The following SHOX2 variants were observed in gnomAD, a reference collection of about 807,000 sequenced individuals.
SHOX2 encodes short stature homeobox protein 2.
A neutral mutation model predicts 31.3 loss-of-function variants in SHOX2; 13 were observed. That is an observed-to-expected ratio of 0.42 (90% CI 0.27 to 0.66). SHOX2 has a LOEUF of 0.66. Among genes scored for constraint, SHOX2 ranks in the 30% least tolerant of loss-of-function variants. The probability of loss-of-function intolerance (pLI) is 0.27; values close to 1 mark genes in which losing one functional copy is unlikely to be tolerated. For synonymous variants in SHOX2, 244 were observed against 196.2 expected, an observed-to-expected ratio of 1.24 and a Z score of -2.04; for missense variants, 473 against 443.0, an observed-to-expected ratio of 1.07 and a Z score of -0.61.
At chr3:158,105,593 C>T (rs1713846651) in intron 1 of SHOX2, 86 bp downstream of exon 1, 3 of 1,261,420 alleles carry the variant, frequency 2.4e-6, no homozygotes, top group Non-Finnish European at 3.2e-6. Context: ...CTCCCCTCCC[C>T]GCTGGGCCTC....
Position 158,097,884 on chromosome 3 carries a change from G to C in SHOX2, c.*143C>G. The C allele has an allele frequency of 9.2e-7, 1 of 1,086,428 alleles. No homozygotes were observed. The highest frequency in any genetic ancestry group is 1.3e-6 in the Non-Finnish European group (1 of 756,994). 67.3% of individuals were successfully genotyped at this position (1,086,428 alleles called of 1,614,324 possible). A position where few individuals can be genotyped will look rare whatever the true frequency, so the allele number is the denominator to read the frequency against. On this transcript the variant is annotated 3_prime_UTR_variant, in exon 5 of 5. Transcript: ENST00000483851. ...GTCTGGCTTTCCGAGTCCAAGATGC[G>C]ATAGGGGACGAGGGATGGTCAGTGA...
rs1297884068 is a variant in SHOX2 at position 158,096,497 on chromosome 3, G to GA, written c.*1529dup. The stretch of plus-strand genomic sequence containing the variant: ...CTTTGTGAGATAAAATGCAAATGTT[G>GA]AAAGTCAGTCCACACATTATAGTCA... On this transcript the variant is annotated 3_prime_UTR_variant, in exon 5 of 5. Coordinates refer to ENST00000483851, the MANE Select transcript of SHOX2 (RefSeq NM_001163678.2). 6.6e-6 allele frequency: 1 copy of GA among 151,278 alleles called. No individual in the cohort carries two copies. Among genetic ancestry groups the GA allele is most frequent in the Non-Finnish European group, 1.5e-5 (1 of 67,808 alleles). The allele number at this position is 151,278 out of a possible 1,614,324, so 9.4% of individuals were successfully genotyped here.
chr3:158,105,795 C>T lies in SHOX2; in HGVS notation c.230G>A (p.Gly77Asp). 2.0e-6 allele frequency: 3 copies of T among 1,479,412 alleles called. No individual in the cohort carries two copies. The highest frequency in any genetic ancestry group is 1.8e-6 in the Non-Finnish European group (2 of 1,119,182). 91.6% of individuals were successfully genotyped at this position (1,479,412 alleles called of 1,614,324 possible). The change falls in exon 1 of 5, where the codon GGT (glycine) becomes GAT (aspartate). Residue 77 changes from glycine (G) to aspartate (D), a missense_variant. Physicochemically the swap from Gly to Asp is moderately conservative, Grantham distance 94. Around this residue, in one of 3 missense-constraint regions of SHOX2, gnomAD observed 276 missense variants for 230.0 expected, o/e 1.20. Transcript: ENST00000483851. Reference sequence around the variant, plus strand: ...TCCGCCTGCTCCTCCTCCTCCTACACCTCCTCCGCCTCCTCCGCCGCCGCC... The same window carrying T: ...TCCGCCTGCTCCTCCTCCTCCTACATCTCCTCCGCCTCCTCCGCCGCCGCC... ...GGGGGGGGGG[G>D]VGGGGAGGGA...
chr3:158,103,019 C>T (rs966747276), intron 1 of SHOX2, 133 bp from the exon 2 acceptor site: 4 of 855,476 alleles, frequency 4.7e-6, no homozygotes, highest in South Asian at 4.6e-5. Context: ...GAGAATCCTT[C>T]CCCCTCGTGG....
At chr3:158,103,099 G>A (rs1713619838) in intron 1 of SHOX2, 3 of 604,480 alleles carry the variant, frequency 5.0e-6, no homozygotes, top group Non-Finnish European at 8.8e-6. Context: ...TCAAGTCTGA[G>A]CGGCCGCCTG....
chr3:158,100,094 TACTC>T, intron 3 of SHOX2, 146 bp from the exon 4 acceptor site: 1 of 908,942 alleles, frequency 1.1e-6, no homozygotes, highest in Non-Finnish European at 1.7e-6. Flanking sequence ...AAATGTAACT[TACTC>T]CCAAACTTTA....
In SHOX2 at chr3:158,098,299, G is replaced by C. The variant is rs748356943; in HGVS notation, c.703-15C>G. 1 of 1,611,820 alleles carries C rather than the reference G, an allele frequency of 6.2e-7. No homozygotes were observed. Among genetic ancestry groups the C allele is most frequent in the South Asian group, 1.1e-5 (1 of 90,762 alleles). The stretch of plus-strand genomic sequence containing the variant: ...TGCGCCTGAACCTGAAAGGACAAGG[G>C]CGTCACGTTGCAATGACTATCCTAG... On this transcript the variant is annotated splice_polypyrimidine_tract_variant and intron_variant, in intron 4 of 4. Transcript: ENST00000483851.
In SHOX2 at chr3:158,096,514, T is replaced by A. The variant is rs574442955; in HGVS notation, c.*1513A>T. 3.3e-5 allele frequency: 5 copies of A among 152,436 alleles called. No homozygotes were observed. The highest frequency in any genetic ancestry group is 1.2e-4 in the African/African-American group (5 of 41,446). 9.4% of individuals were successfully genotyped at this position (152,436 alleles called of 1,614,324 possible). On this transcript the variant is annotated 3_prime_UTR_variant, in exon 5 of 5. Coordinates refer to ENST00000483851, the MANE Select transcript of SHOX2 (RefSeq NM_001163678.2). ...CAAATGTTGAAAGTCAGTCCACACA[T>A]TATAGTCAAAATAAACTTTGTTCGT...
At chr3:158,101,160 C>G (rs1192082025) in intron 2 of SHOX2, among the ~76,000 whole-genome samples, 2 of 152,216 alleles carry the variant, frequency 1.3e-5, no homozygotes, top group African/African-American at 4.8e-5. Context: ...TTGTATTCCA[C>G]TTTCAATAAT....
At chr3:158,102,636 C>T in intron 2 of SHOX2, 42 bp downstream of exon 2, 1 of 1,560,450 alleles carries the variant, frequency 6.4e-7, no homozygotes, top group South Asian at 1.1e-5. Context: ...ACCCCAGGCT[C>T]TCTCTGCTCC....
intron 3 of SHOX2, 68 bp downstream of exon 3, chr3:158,100,186 G>C: frequency 7.8e-7 from 1 of 1,284,380 alleles, no homozygotes; most frequent in African/African-American, 1.5e-5. Context: ...TTCTGTCATT[G>C]TAATAGTAAT....
chr3:158,106,263 G>A lies in SHOX2; in HGVS notation c.-239C>T. ...GGAGGAGGAGGAAGAAGAGGAAGAGGGGGAGAAGGGTGAAGAGGAGAGGGA... is the reference window on the plus strand; with the variant it reads ...GGAGGAGGAGGAAGAAGAGGAAGAGAGGGAGAAGGGTGAAGAGGAGAGGGA... On this transcript the variant is annotated 5_prime_UTR_variant, in exon 1 of 5. Coordinates refer to ENST00000483851, the MANE Select transcript of SHOX2 (RefSeq NM_001163678.2). The A allele has an allele frequency of 1.7e-6, 1 of 589,516 alleles. No individual in the cohort carries two copies. Among genetic ancestry groups the A allele is most frequent in the Admixed American group, 3.4e-5 (1 of 29,008 alleles). 36.5% of individuals were successfully genotyped at this position (589,516 alleles called of 1,614,324 possible). A position where few individuals can be genotyped will look rare whatever the true frequency, so the allele number is the denominator to read the frequency against.
rs537229988 is a variant in SHOX2 at position 158,103,004 on chromosome 3, G to T, written c.347-118C>A. On this transcript the variant is annotated intron_variant, in intron 1 of 4. Transcript: ENST00000483851. The stretch of plus-strand genomic sequence containing the variant: ...CTGTTACCAGATTTGTCGCAAAAAA[G>T]AATAGAGAATCCTTCCCCCTCGTGG... The T allele has an allele frequency of 3.6e-5, 34 of 956,212 alleles. No individual in the cohort carries two copies. The South Asian group carries it at 4.0e-4, about 11-fold the overall frequency. 59.2% of individuals were successfully genotyped at this position (956,212 alleles called of 1,614,324 possible).
rs1159728366 is a variant in SHOX2, at chr3:158,098,056, T to C, written c.931A>G (p.Lys311Glu). ...SSIADLRLKA[K>E]KHAAALGL The stretch of plus-strand genomic sequence containing the variant: ...AGACCCAGGGCTGCGGCGTGCTTTT[T>C]GGCTTTCAGTCTGAGATCGGCGATG... Residue 311 changes from lysine to glutamate, a missense_variant, in exon 5 of 5, where the codon AAA becomes GAA. Physicochemically the swap from Lys to Glu is moderately conservative, Grantham distance 56. Transcript: ENST00000483851. 3 of 1,608,528 alleles carry C rather than the reference T, an allele frequency of 1.9e-6. No individual in the cohort carries two copies. Among genetic ancestry groups the C allele is most frequent in the Non-Finnish European group, 2.6e-6 (3 of 1,176,164 alleles).
Position 158,106,191 on chromosome 3 carries a change from A to G in SHOX2, c.-167T>C. 8.7e-7 allele frequency: 1 copy of G among 1,154,826 alleles called. No homozygotes were observed. The highest frequency in any genetic ancestry group is 1.2e-6 in the Non-Finnish European group (1 of 839,464). The allele number at this position is 1,154,826 out of a possible 1,614,324, so 71.5% of individuals were successfully genotyped here. ...AAAGAAGAAGAAAAAGAGGAGAAGAAAGAAGAAAGAGGAGGAGAAGTAGAA... is the reference window on the plus strand; with the variant it reads ...AAAGAAGAAGAAAAAGAGGAGAAGAGAGAAGAAAGAGGAGGAGAAGTAGAA... On this transcript the variant is annotated 5_prime_UTR_variant, in exon 1 of 5. Transcript: ENST00000483851.
At chr3:158,099,158 A>G (rs1713323586) in intron 4 of SHOX2, among the ~76,000 whole-genome samples, 1 of 152,248 alleles carries the variant, frequency 6.6e-6, no homozygotes, top group Admixed American at 6.5e-5. Flanking sequence ...GGCTGAGGAT[A>G]GGGAAGGTCA....
chr3:158,105,568 C>T lies in SHOX2; in HGVS notation c.346+111G>A, dbSNP rs1464089022. On this transcript the variant is annotated intron_variant, in intron 1 of 4. Coordinates refer to ENST00000483851, the MANE Select transcript of SHOX2 (RefSeq NM_001163678.2). The stretch of plus-strand genomic sequence containing the variant: ...AGCTGACAAAGCTGGGGTCCAGGGC[C>T]CTCTCCGTGTCCCTCTCCCCTCCCC... 9 of 976,928 alleles carry T rather than the reference C, an allele frequency of 9.2e-6. No individual in the cohort carries two copies. In the African/African-American group the frequency reaches 1.4e-4, roughly 15 times the overall value. 60.5% of individuals were successfully genotyped at this position (976,928 alleles called of 1,614,324 possible). A position where few individuals can be genotyped will look rare whatever the true frequency, so the allele number is the denominator to read the frequency against.
Position 158,106,205 on chromosome 3 carries a change from G to A in SHOX2, c.-181C>T. 1 of 1,021,520 alleles carries A rather than the reference G, an allele frequency of 9.8e-7. No individual in the cohort carries two copies. Among genetic ancestry groups the A allele is most frequent in the Admixed American group, 3.2e-5 (1 of 31,410 alleles). The allele number at this position is 1,021,520 out of a possible 1,614,324, so 63.3% of individuals were successfully genotyped here. ...AGAGGAGAAGAAAGAAGAAAGAGGAGGAGAAGTAGAAGGAGAAAAAGAAGT... is the reference window on the plus strand; with the variant it reads ...AGAGGAGAAGAAAGAAGAAAGAGGAAGAGAAGTAGAAGGAGAAAAAGAAGT... On this transcript the variant is annotated 5_prime_UTR_variant, in exon 1 of 5. Coordinates refer to ENST00000483851, the MANE Select transcript of SHOX2 (RefSeq NM_001163678.2).
At chr3:158,099,996 A>AT (rs1713391275) in intron 3 of SHOX2, 48 bp from the exon 4 acceptor site, 1 of 1,520,694 alleles carries the variant, frequency 6.6e-7, no homozygotes, top group South Asian at 1.1e-5. Context: ...CGTTTGTAGC[A>AT]TTTTTCAGGG....
Sources: allele counts gnomAD v4.1 joint callset (sites outside exome capture counted in the v4.1 genomes callset), GRCh38; gene constraint gnomAD v4.1.1; regional missense constraint gnomAD v4.1.1; transcripts MANE v1.5; gene names NCBI Gene and HGNC (gene_info 2026-07-23, HGNC 2026-07-21).